The following RAB6B variants were observed in gnomAD, a reference collection of about 807,000 sequenced individuals.
The protein encoded by RAB6B is RAB6B, member RAS oncogene family.
In RAB6B, 7 loss-of-function variants were observed where a neutral mutation model predicts 31.2. That is an observed-to-expected ratio of 0.22 (90% CI 0.13 to 0.42). The LOEUF is 0.42. Ranked by LOEUF, RAB6B falls within the 10% of genes least tolerant of loss-of-function variation. The pLI is 1.00. For synonymous variants in RAB6B, 105 were observed against 104.9 expected (o/e 1.00, Z -0.01); for missense variants, 149 against 280.6 (o/e 0.53, Z 3.35).
chr3:133,877,139 G>A (rs1936408248), intron 1 of RAB6B, among the ~76,000 whole-genome samples: 1 of 152,206 alleles, frequency 6.6e-6, no homozygotes, highest in Non-Finnish European at 1.5e-5. Flanking sequence ...GGACCCAGGT[G>A]AAACCCACTG....
chr3:133,835,744 C>T (rs541390044), intron 6 of RAB6B, among the ~76,000 whole-genome samples: 14 of 152,092 alleles, frequency 9.2e-5, no homozygotes, highest in East Asian at 1.9e-4. Flanking sequence ...TCCTCATGAA[C>T]GGGATGAGTG....
chr3:133,895,746 GC>G lies in RAB6B; in HGVS notation c.-281del. 1 of 440,678 alleles carries G rather than the reference GC, an allele frequency of 2.3e-6. No individual in the cohort carries two copies. 27.3% of individuals were successfully genotyped at this position (440,678 alleles called of 1,614,324 possible). On this transcript the variant is annotated 5_prime_UTR_variant, in exon 1 of 8. Transcript: ENST00000285208. ...GCGGTGCGAGGGGCGCGCTCTTTAC[GC>G]CCGAGGCGCGGCGCTGGGAGAGAGG... is the stretch of plus-strand genomic sequence containing the variant.
At chr3:133,839,287 G>A (rs557206820) in intron 5 of RAB6B, among the ~76,000 whole-genome samples, 8 of 152,308 alleles carry the variant, frequency 5.3e-5, no homozygotes, top group African/African-American at 9.6e-5. Context: ...GAAGTGCCCC[G>A]CCCCTGCCTG....
intron 1 of RAB6B, among the ~76,000 whole-genome samples, chr3:133,889,442 A>ATATATATT (rs1936606374): frequency 3.4e-5 from 3 of 87,854 alleles, no homozygotes; most frequent in African/African-American, 1.3e-4. Flanking sequence ...ATATATATAT[A>ATATATATT]TATTTATTTT....
chr3:133,832,269 C>T (rs1443925363), intron 7 of RAB6B, among the ~76,000 whole-genome samples: 1 of 152,126 alleles, frequency 6.6e-6, no homozygotes, highest in African/African-American at 2.4e-5. Context: ...TTGGTGGCCC[C>T]TTGGCTCCTA....
At chr3:133,876,800 A>G (rs1313460807) in intron 1 of RAB6B, among the ~76,000 whole-genome samples, 3 of 152,226 alleles carry the variant, frequency 2.0e-5, no homozygotes, top group African/African-American at 7.2e-5. Flanking sequence ...TATTTATACA[A>G]TCAACTGGAT....
At chr3:133,834,446 G>A (rs1935702445) in intron 7 of RAB6B, 129 bp downstream of exon 7, 10 of 993,290 alleles carry the variant, frequency 1.0e-5, no homozygotes, top group South Asian at 9.3e-5. Flanking sequence ...AGGAGGCCCC[G>A]TGCCATTCGC....
At chr3:133,871,804 C>T (rs570625837) in intron 1 of RAB6B, among the ~76,000 whole-genome samples, 179 of 152,354 alleles carry the variant, frequency 1.2e-3, no homozygotes, top group Middle Eastern at 6.8e-3. Flanking sequence ...TAGCTAGCCC[C>T]TCACAGAGCC....
intron 2 of RAB6B, among the ~76,000 whole-genome samples, chr3:133,846,623 C>T (rs1462956656): frequency 3.9e-5 from 6 of 151,990 alleles, no homozygotes; most frequent in African/African-American, 1.5e-4. Context: ...AAAACCAAAC[C>T]AAGGTATGTC....
rs756035627 is a variant in RAB6B at position 133,886,280 on chromosome 3, G to A, written c.70+9117C>T. On this transcript the variant is annotated intron_variant, in intron 1 of 7. Coordinates refer to ENST00000285208, the MANE Select transcript of RAB6B (RefSeq NM_016577.4). The stretch of plus-strand genomic sequence containing the variant: ...TCCCTGACTCCTCCAAGCACATCAC[G>A]CCCATAGCCTTGCTTGTGTATGTAA... Among the ~76,000 whole-genome samples the A allele has an allele frequency of 3.9e-5, 6 of 152,268 alleles. No individual in the cohort carries two copies. In the East Asian group the frequency reaches 7.7e-4, roughly 20 times the overall value.
intron 5 of RAB6B, 111 bp downstream of exon 5, chr3:133,839,395 G>T: frequency 1.1e-6 from 1 of 921,272 alleles, no homozygotes; most frequent in Non-Finnish European, 1.8e-6. Flanking sequence ...TTTTCCGGAT[G>T]CATGGTCAGA....
intron 1 of RAB6B, among the ~76,000 whole-genome samples, chr3:133,869,555 C>T (rs528679063): frequency 2.0e-5 from 3 of 152,342 alleles, no homozygotes; most frequent in Admixed American, 6.5e-5. Flanking sequence ...CCATAGTGGG[C>T]TCATAAAATA....
intron 2 of RAB6B, among the ~76,000 whole-genome samples, chr3:133,861,258 T>G (rs1936156929): frequency 6.6e-6 from 1 of 152,262 alleles, no homozygotes; most frequent in Non-Finnish European, 1.5e-5. Flanking sequence ...GAATCTCATC[T>G]GGCTGTGACT....
At chr3:133,845,413 G>C (rs775681817) in intron 2 of RAB6B, among the ~76,000 whole-genome samples, 1 of 152,210 alleles carries the variant, frequency 6.6e-6, no homozygotes, top group Admixed American at 6.5e-5. Flanking sequence ...TGAGGACACA[G>C]CATAAAGGTG....
At chr3:133,877,751 T>A (rs1396488226) in intron 1 of RAB6B, among the ~76,000 whole-genome samples, 1 of 148,572 alleles carries the variant, frequency 6.7e-6, no homozygotes, top group Non-Finnish European at 1.5e-5. Flanking sequence ...ATATTATAAC[T>A]GTTATATAAT....
At chr3:133,868,463 C>T (rs929645902) in intron 1 of RAB6B, among the ~76,000 whole-genome samples, 9 of 152,224 alleles carry the variant, frequency 5.9e-5, no homozygotes, top group Non-Finnish European at 8.8e-5. Flanking sequence ...GGAGTTTCTG[C>T]GGGAGCTGTC....
intron 1 of RAB6B, among the ~76,000 whole-genome samples, chr3:133,866,147 T>C (rs1221400624): frequency 6.6e-6 from 1 of 152,048 alleles, no homozygotes; most frequent in African/African-American, 2.4e-5. Flanking sequence ...TGCTTAAAAG[T>C]GGAAGGAGGC....
intron 6 of RAB6B, among the ~76,000 whole-genome samples, chr3:133,835,614 C>T (rs866201597): frequency 2.0e-5 from 3 of 151,966 alleles, no homozygotes; most frequent in African/African-American, 7.3e-5. Flanking sequence ...GCACAGAAGA[C>T]TCTGAACTGC....
chr3:133,852,475 C>CTT (rs5852767), intron 2 of RAB6B, among the ~76,000 whole-genome samples: 2,603 of 142,360 alleles, frequency 0.018, 76 homozygotes, highest in African/African-American at 0.057. Context: ...TTTTCTTTTT[C>CTT]TTTTTTTTTT....
Sources: allele counts gnomAD v4.1 joint callset (sites outside exome capture counted in the v4.1 genomes callset), GRCh38; gene constraint gnomAD v4.1.1; transcripts MANE v1.5; gene names NCBI Gene and HGNC (gene_info 2026-07-23, HGNC 2026-07-21).